The following C8orf34 variants were observed in gnomAD, a reference collection of about 807,000 sequenced individuals.
C8orf34 encodes chromosome 8 open reading frame 34.
In C8orf34, 65 loss-of-function variants were observed where a neutral mutation model predicts 68.3. The observed-to-expected ratio is 0.95, with a 90% CI of 0.78 to 1.17. C8orf34 has a LOEUF of 1.17. Among genes scored for constraint, C8orf34 ranks in the 50% most tolerant of loss-of-function variants. The pLI is 0.00. For synonymous variants in C8orf34, 244 were observed against 241.2 expected (o/e 1.01, Z -0.11); for missense variants, 664 against 655.4 (o/e 1.01, Z -0.14).
intron 1 of C8orf34, among the ~76,000 whole-genome samples, chr8:68,367,670 A>T (rs76337526): frequency 2.8e-4 from 40 of 142,884 alleles, no homozygotes; most frequent in African/African-American, 1.0e-3. Context: ...AACACCACAT[A>T]TTCTCACTCA....
intron 10 of C8orf34, among the ~76,000 whole-genome samples, chr8:68,768,260 T>C (rs1273561518): frequency 6.6e-6 from 1 of 152,188 alleles, no homozygotes; most frequent in Non-Finnish European, 1.5e-5. Flanking sequence ...GTACAGGATG[T>C]GCCAAGCTTA....
chr8:68,732,437 T>G (rs1160615622), intron 10 of C8orf34, among the ~76,000 whole-genome samples: 2 of 152,140 alleles, frequency 1.3e-5, no homozygotes, highest in Non-Finnish European at 2.9e-5. Flanking sequence ...TTAATGATTT[T>G]TTTGTGTTCC....
intron 7 of C8orf34, chr8:68,535,255 A>T: frequency 1.0e-6 from 1 of 979,186 alleles, no homozygotes. Flanking sequence ...GAATCATTGT[A>T]AGATGCAATA....
rs147535949 is a variant in C8orf34, at chr8:68,601,956, G to A, written c.1106-38420G>A. Among the ~76,000 whole-genome samples, 41 of 152,212 alleles carry A rather than the reference G, an allele frequency of 2.7e-4. No homozygotes were observed. In the East Asian group the frequency reaches 7.8e-3, roughly 29 times the overall value. ...CCACTGGGCCTTGATGAAAACTAGA[G>A]CACTCTCTCACACGGCCTCACGGAT... On this transcript the variant is annotated intron_variant, in intron 7 of 13. Transcript: ENST00000518698.
chr8:68,679,307 CA>C (rs1222642960), intron 8 of C8orf34, among the ~76,000 whole-genome samples: 1 of 151,118 alleles, frequency 6.6e-6, no homozygotes, highest in Non-Finnish European at 1.5e-5. Flanking sequence ...AAAACAAAAA[CA>C]AAAAACAAAA....
At chr8:68,578,222 T>C (rs576533517) in intron 7 of C8orf34, among the ~76,000 whole-genome samples, 2 of 151,990 alleles carry the variant, frequency 1.3e-5, no homozygotes, top group African/African-American at 4.8e-5. Context: ...AAACATGGAA[T>C]TTGATGTCTT....
rs1816469715 is a variant in C8orf34 at position 68,562,696 on chromosome 8, C to G, written c.1105+29547C>G. 2.0e-5 allele frequency among the ~76,000 whole-genome samples: 3 copies of G among 152,250 alleles called. No individual in the cohort carries two copies. The South Asian group carries it at 6.2e-4, about 32-fold the overall frequency. On this transcript the variant is annotated intron_variant, in intron 7 of 13. Transcript: ENST00000518698. Reference sequence around the variant, plus strand: ...AAGGCAAAGAAGAGGAAGAGAAAAGCATTTTGGGCAAAATCCCTTGATGCA... The same window carrying G: ...AAGGCAAAGAAGAGGAAGAGAAAAGGATTTTGGGCAAAATCCCTTGATGCA...
chr8:68,485,711 CA>C (rs1290609373), intron 4 of C8orf34, among the ~76,000 whole-genome samples: 1 of 75,298 alleles, frequency 1.3e-5, no homozygotes, highest in African/African-American at 4.6e-5. Context: ...GACTCTGTCT[CA>C]AAAAAAAATA....
intron 10 of C8orf34, among the ~76,000 whole-genome samples, chr8:68,738,413 C>T (rs543106992): frequency 2.0e-5 from 3 of 151,952 alleles, no homozygotes; most frequent in African/African-American, 7.2e-5. Flanking sequence ...AGAAAACCAA[C>T]CCCAAAGCTA....
chr8:68,489,401 A>G (rs1429905323), intron 5 of C8orf34, among the ~76,000 whole-genome samples: 1 of 152,236 alleles, frequency 6.6e-6, no homozygotes, highest in African/African-American at 2.4e-5. Flanking sequence ...ACTTGGGGCA[A>G]GAAATGTTTT....
chr8:68,458,572 A>C (rs1310756893), intron 3 of C8orf34, among the ~76,000 whole-genome samples: 1 of 152,254 alleles, frequency 6.6e-6, no homozygotes. Context: ...ATTGCAGATT[A>C]AAGAAATTAT....
At chr8:68,575,956 G>GTTTTTTTTTTTTTTTTTTTTT (rs59081528) in intron 7 of C8orf34, among the ~76,000 whole-genome samples, 1 of 96,346 alleles carries the variant, frequency 1.0e-5, no homozygotes, top group Non-Finnish European at 2.1e-5. Context: ...GTAGATGGTT[G>GTTTTTTTTTTTTTTTTTTTTT]TTTTTTTTTT....
intron 1 of C8orf34, among the ~76,000 whole-genome samples, chr8:68,372,669 G>T (rs1353549398): frequency 2.0e-5 from 3 of 152,088 alleles, no homozygotes; most frequent in Non-Finnish European, 4.4e-5. Flanking sequence ...TGTTACATAG[G>T]TATACACGTG....
chr8:68,337,565 T>C (rs1408050265), intron 1 of C8orf34, among the ~76,000 whole-genome samples: 1 of 152,220 alleles, frequency 6.6e-6, no homozygotes, highest in African/African-American at 2.4e-5. Flanking sequence ...GAATGTGGTC[T>C]CTATGTGAAT....
chr8:68,459,411 T>C (rs1811691016), intron 3 of C8orf34, among the ~76,000 whole-genome samples: 1 of 152,082 alleles, frequency 6.6e-6, no homozygotes, highest in Non-Finnish European at 1.5e-5. Flanking sequence ...TGTATTTTTT[T>C]TAGTAGAGAT....
chr8:68,392,547 AT>A (rs910612184), intron 1 of C8orf34, among the ~76,000 whole-genome samples: 55 of 151,910 alleles, frequency 3.6e-4, no homozygotes, highest in African/African-American at 1.2e-3. Flanking sequence ...CTAGACTATT[AT>A]TTTTTTCTTA....
chr8:68,644,791 G>A (rs1011798818), intron 8 of C8orf34, among the ~76,000 whole-genome samples: 5 of 152,166 alleles, frequency 3.3e-5, no homozygotes, highest in African/African-American at 1.2e-4. Context: ...GACAGAGTGA[G>A]CCAGTCAGAA....
intron 1 of C8orf34, among the ~76,000 whole-genome samples, chr8:68,361,573 T>C (rs894749612): frequency 2.0e-5 from 3 of 152,262 alleles, no homozygotes; most frequent in African/African-American, 4.8e-5. Flanking sequence ...GAATTAAATA[T>C]GTTTTGACTG....
intron 7 of C8orf34, among the ~76,000 whole-genome samples, chr8:68,593,257 A>G (rs1297226600): frequency 2.0e-5 from 3 of 152,074 alleles, no homozygotes; most frequent in Non-Finnish European, 4.4e-5. Flanking sequence ...TTGATCATGT[A>G]TTTATGGTTG....
Sources: gnomAD v4.1 joint callset for allele counts (sites outside exome capture counted in the v4.1 genomes callset) on GRCh38, gnomAD v4.1.1 for gene constraint, MANE v1.5 for transcripts, NCBI Gene and HGNC (gene_info 2026-07-23, HGNC 2026-07-21) for gene names.